CEMIP: variants seen among roughly 807,000 people sequenced by gnomAD.
The protein encoded by CEMIP is cell migration-inducing and hyaluronan-binding protein.
In CEMIP, 105 loss-of-function variants were observed where a neutral mutation model predicts 156.9. That is an observed-to-expected ratio of 0.67 (90% CI 0.57 to 0.79). The LOEUF (loss-of-function observed/expected upper bound fraction) is 0.79, where lower values mean the gene tolerates loss of function less well. CEMIP is among the 30% of genes least tolerant of loss of function. The pLI is 0.00. For synonymous variants in CEMIP, 676 were observed against 668.4 expected, an observed-to-expected ratio of 1.01 and a Z score of -0.17; for missense variants, 1,457 against 1,769.4, an observed-to-expected ratio of 0.82 and a Z score of 3.17.
At chr15:80,933,518 C>CAT in intron 23 of CEMIP, 58 bp downstream of exon 23, 1 of 1,320,380 alleles carries the variant, frequency 7.6e-7, no homozygotes, top group Non-Finnish European at 1.1e-6. Context: ...AACAAGCATT[C>CAT]AGTGAGTGTC....
In CEMIP at chr15:80,810,602, T is replaced by A. The variant is rs11072946; in HGVS notation, c.-176+30988T>A. 2.6e-3 allele frequency among the ~76,000 whole-genome samples: 393 copies of A among 152,132 alleles called. 1 individual carries two copies. Among genetic ancestry groups the A allele is most frequent in the African/African-American group, 8.5e-3 (354 of 41,504 alleles). On this transcript the variant is annotated intron_variant, in intron 1 of 29. Transcript: ENST00000394685. ...GATCTCCTGACCTTGTGATCCGCCC[T>A]CCTCGGCCTCCCAAAGTGCTGGGAT...
rs894403082 is a variant in CEMIP at position 80,879,757 on chromosome 15, C to A, written c.283C>A (p.Arg95=). 1.9e-6 allele frequency: 3 copies of A among 1,614,058 alleles called. No individual in the cohort carries two copies. Among genetic ancestry groups the A allele is most frequent in the Non-Finnish European group, 2.5e-6 (3 of 1,180,026 alleles). The change falls in exon 5 of 30, where the codon CGA becomes AGA. Residue 95 remains arginine (R), a synonymous_variant. Coordinates refer to ENST00000394685, the MANE Select transcript of CEMIP (RefSeq NM_001293298.2). ...IKDHDEPIVL[R]TRHILIDNGG... The stretch of plus-strand genomic sequence containing the variant: ...AGACCACGACGAGCCGATTGTTTTG[C>A]GAACCCGGCACATCCTGATTGACAA...
chr15:80,837,835 C>T (rs1319147956), intron 1 of CEMIP, among the ~76,000 whole-genome samples: 1 of 152,242 alleles, frequency 6.6e-6, no homozygotes, highest in Non-Finnish European at 1.5e-5. Flanking sequence ...AAAGTAATCC[C>T]TCCCCACCTG....
rs758924401 is a variant in CEMIP at position 80,922,000 on chromosome 15, C to G, written c.2074-9C>G. 1.2e-6 allele frequency: 2 copies of G among 1,614,138 alleles called. No homozygotes were observed. The highest frequency in any genetic ancestry group is 1.7e-6 in the Non-Finnish European group (2 of 1,179,988). ...GCTGTGGCTTTTCCCTTGTGTCCTT[C>G]CCCAACAGGAAACTGGATTTTGGTT... On this transcript the variant is annotated splice_polypyrimidine_tract_variant and intron_variant, in intron 16 of 29. Coordinates refer to ENST00000394685, the MANE Select transcript of CEMIP (RefSeq NM_001293298.2).
intron 1 of CEMIP, among the ~76,000 whole-genome samples, chr15:80,864,026 G>T (rs1167616194): frequency 1.3e-5 from 2 of 151,996 alleles, no homozygotes; most frequent in African/African-American, 2.4e-5. Context: ...GGCAAGCAAA[G>T]CCCCCTGGAA....
In CEMIP at chr15:80,942,927, A is replaced by T. The variant is rs550408228; in HGVS notation, c.3700-18A>T. On this transcript the variant is annotated intron_variant, in intron 27 of 29. Transcript: ENST00000394685. ...CCTTGGCACCCTGCCTCACACCTGG[A>T]TTGCTCTGGCTCTGTAGGTGGATGG... The T allele has an allele frequency of 2.5e-6, 4 of 1,614,058 alleles. No individual in the cohort carries two copies. The highest frequency in any genetic ancestry group is 1.3e-5 in the African/African-American group (1 of 74,920).
intron 12 of CEMIP, among the ~76,000 whole-genome samples, chr15:80,898,730 A>ACATAGGTCTGT (rs1899335208): frequency 6.6e-6 from 1 of 152,170 alleles, no homozygotes; most frequent in South Asian, 2.1e-4. Flanking sequence ...TTATTAATGA[A>ACATAGGTCTGT]CATAGGTCTG....
rs557645838 is a variant in CEMIP at position 80,853,416 on chromosome 15, C to T, written c.-175-20122C>T. On this transcript the variant is annotated intron_variant, in intron 1 of 29. Transcript: ENST00000394685. ...TTTGTGCCTCTGGTCCAGTCTGTTT[C>T]GTCTGGGAGTCAGAAATCTTGCTGA... 4.3e-4 allele frequency among the ~76,000 whole-genome samples: 66 copies of T among 152,274 alleles called. 1 individual carries two copies. The highest frequency in any genetic ancestry group is 2.4e-3 in the Admixed American group (37 of 15,296).
chr15:80,797,128 A>G (rs1223531178), intron 1 of CEMIP, among the ~76,000 whole-genome samples: 1 of 152,212 alleles, frequency 6.6e-6, no homozygotes, highest in East Asian at 1.9e-4. Context: ...TCATGGCACC[A>G]GTTTGACGAA....
At position 80,933,256 on chromosome 15, in the gene CEMIP, A is replaced by G. The variant is rs767478169; in HGVS notation, c.2805A>G (p.Arg935=). ...IAFEDVPITS[R]VFFGEPGPWF... ...TGGGCTCTGTTTAGATTACTTCCAG[A>G]GTGTTCTTCGGAGAGCCTGGGCCCT... Residue 935 remains arginine (R), a synonymous_variant, in exon 23 of 30, where the codon AGA becomes AGG. Coordinates refer to ENST00000394685, the MANE Select transcript of CEMIP (RefSeq NM_001293298.2). The G allele has an allele frequency of 6.2e-7, 1 of 1,614,060 alleles. No homozygotes were observed. The highest frequency in any genetic ancestry group is 2.2e-5 in the East Asian group (1 of 44,882).
At chr15:80,867,390 A>T (rs1427853747) in intron 1 of CEMIP, among the ~76,000 whole-genome samples, 1 of 152,202 alleles carries the variant, frequency 6.6e-6, no homozygotes, top group Non-Finnish European at 1.5e-5. Context: ...CAGGCTTTGG[A>T]GGGCCTCTGG....
At chr15:80,797,823 A>G (rs1321593548) in intron 1 of CEMIP, among the ~76,000 whole-genome samples, 1 of 152,224 alleles carries the variant, frequency 6.6e-6, no homozygotes, top group Non-Finnish European at 1.5e-5. Context: ...TTACCACAGC[A>G]GAGTATAACC....
rs1323241158 is a variant in CEMIP at position 80,948,572 on chromosome 15, C to A, written c.3959-225C>A. ...TGTCTACAACAAAGCCATCACCCTG[C>A]CTAGGTGGCAGTGAGGCTCAGGTGA... On this transcript the variant is annotated intron_variant, in intron 29 of 29. Coordinates refer to ENST00000394685, the MANE Select transcript of CEMIP (RefSeq NM_001293298.2). The A allele has an allele frequency of 6.6e-6, 4 of 606,282 alleles. No individual in the cohort carries two copies. The African/African-American group carries it at 7.3e-5, about 11-fold the overall frequency. 37.6% of individuals were successfully genotyped at this position (606,282 alleles called of 1,614,324 possible). A position where few individuals can be genotyped will look rare whatever the true frequency, so the allele number is the denominator to read the frequency against.
chr15:80,824,739 T>C (rs1778091572), intron 1 of CEMIP, among the ~76,000 whole-genome samples: 1 of 152,238 alleles, frequency 6.6e-6, no homozygotes, highest in Admixed American at 6.5e-5. Flanking sequence ...GTTGGAAAGA[T>C]GGTTACTAAA....
chr15:80,945,994 C>T (rs1901537667), intron 28 of CEMIP, among the ~76,000 whole-genome samples: 1 of 152,232 alleles, frequency 6.6e-6, no homozygotes, highest in Admixed American at 6.5e-5. Flanking sequence ...AAGCACATTT[C>T]CCTTTGGTAG....
At chr15:80,896,468 A>G in intron 12 of CEMIP, 1 of 423,810 alleles carries the variant, frequency 2.4e-6, no homozygotes, top group Non-Finnish European at 4.7e-6. Flanking sequence ...CACAACACAA[A>G]TAGGCTAGGG....
intron 1 of CEMIP, among the ~76,000 whole-genome samples, chr15:80,785,389 C>T (rs1166708650): frequency 6.6e-6 from 1 of 152,242 alleles, no homozygotes; most frequent in Non-Finnish European, 1.5e-5. Flanking sequence ...ATCACCAGTA[C>T]ATTCTGGGTA....
chr15:80,843,254 C>G (rs1411818474), intron 1 of CEMIP, among the ~76,000 whole-genome samples: 1 of 152,226 alleles, frequency 6.6e-6, no homozygotes, highest in Non-Finnish European at 1.5e-5. Context: ...CCAGTGGTCA[C>G]TGGTTCAAGT....
chr15:80,943,082 T>C lies in CEMIP; in HGVS notation c.3837T>C (p.Tyr1279=), dbSNP rs757078387. Residue 1279 remains tyrosine, a synonymous_variant, in exon 28 of 30, where the codon TAT becomes TAC. Transcript: ENST00000394685. ...LQGIPWQLFN[Y]VATIPDNSIV... is the part of the protein sequence containing the mutation. ...GCATACCATGGCAGCTTTTCAACTATGTGGCGACCATCCCTGACAAGTGAG... is the reference window on the plus strand; with the variant it reads ...GCATACCATGGCAGCTTTTCAACTACGTGGCGACCATCCCTGACAAGTGAG... 2.5e-6 allele frequency: 4 copies of C among 1,614,130 alleles called. No individual in the cohort carries two copies. Among genetic ancestry groups the C allele is most frequent in the South Asian group, 2.2e-5 (2 of 91,092 alleles).
Sources: gnomAD v4.1 joint callset for allele counts (sites outside exome capture counted in the v4.1 genomes callset) on GRCh38, gnomAD v4.1.1 for gene constraint, MANE v1.5 for transcripts, NCBI Gene and HGNC (gene_info 2026-07-23, HGNC 2026-07-21) for gene names.